DYNC2H1: variants seen among roughly 807,000 people sequenced by gnomAD.
DYNC2H1 encodes the protein dynein cytoplasmic 2 heavy chain 1.
A neutral mutation model predicts 570.0 loss-of-function variants in DYNC2H1; 410 were observed. That is an observed-to-expected ratio of 0.72 (90% CI 0.66 to 0.78). The LOEUF (loss-of-function observed/expected upper bound fraction) is 0.78, where lower values mean the gene tolerates loss of function less well. Among genes scored for constraint, DYNC2H1 ranks in the 30% least tolerant of loss-of-function variants. The probability of loss-of-function intolerance (pLI) is 0.00; values close to 1 mark genes in which losing one functional copy is unlikely to be tolerated. For missense variants in DYNC2H1, 4,865 were observed against 5,046.4 expected (o/e 0.96, Z 1.09); for synonymous variants, 1,688 against 1,677.6 (o/e 1.01, Z -0.15).
chr11:103,200,023 A>G (rs200924745), intron 49 of DYNC2H1, 23 bp from the exon 50 acceptor site: 767 of 1,527,616 alleles, frequency 5.0e-4, no homozygotes, highest in Non-Finnish European at 6.4e-4. Flanking sequence ...AAGGGCACTA[A>G]AAAATATTTT....
At chr11:103,328,345 A>G (rs191246053) in intron 82 of DYNC2H1, among the ~76,000 whole-genome samples, 1 of 152,298 alleles carries the variant, frequency 6.6e-6, no homozygotes, top group Admixed American at 6.5e-5. Context: ...TTTTCAAATT[A>G]TAAAGATGTA....
At chr11:103,442,851 A>G (rs1448371959) in intron 85 of DYNC2H1, among the ~76,000 whole-genome samples, 2 of 152,116 alleles carry the variant, frequency 1.3e-5, no homozygotes, top group Non-Finnish European at 2.9e-5. Context: ...TTGAAGAATC[A>G]GCAAGGTCCA....
chr11:103,393,840 T>G (rs1190166766), intron 83 of DYNC2H1, among the ~76,000 whole-genome samples: 1 of 152,180 alleles, frequency 6.6e-6, no homozygotes, highest in East Asian at 1.9e-4. Flanking sequence ...TCACTTCTTA[T>G]GTGGATGCGG....
At chr11:103,180,546 T>C (rs974122202) in intron 39 of DYNC2H1, among the ~76,000 whole-genome samples, 1 of 151,736 alleles carries the variant, frequency 6.6e-6, no homozygotes, top group South Asian at 2.1e-4. Flanking sequence ...CAAATACATA[T>C]TAACTTTTTT....
At chr11:103,398,734 G>A (rs1383279800) in intron 83 of DYNC2H1, among the ~76,000 whole-genome samples, 1 of 89,222 alleles carries the variant, frequency 1.1e-5, no homozygotes, top group Non-Finnish European at 2.0e-5. Context: ...TTTAATTATT[G>A]AAAGTGATTT....
chr11:103,463,720 C>T (rs1945097425), intron 87 of DYNC2H1, among the ~76,000 whole-genome samples: 1 of 152,132 alleles, frequency 6.6e-6, no homozygotes, highest in Non-Finnish European at 1.5e-5. Flanking sequence ...CACTGTATTC[C>T]AGCCTGGGCA....
chr11:103,147,667 A>G, intron 18 of DYNC2H1, 105 bp from the exon 19 acceptor site: 1 of 685,290 alleles, frequency 1.5e-6, no homozygotes, highest in Non-Finnish European at 2.4e-6. Context: ...TACTGCTGAC[A>G]TACATTTTTA....
chr11:103,274,155 C>CATAT (rs71465389), intron 70 of DYNC2H1, among the ~76,000 whole-genome samples: 1 of 150,430 alleles, frequency 6.6e-6, no homozygotes, highest in African/African-American at 2.5e-5. Context: ...TATACACACA[C>CATAT]ATATATATAT....
At chr11:103,410,098 C>CTT (rs1291613054) in intron 84 of DYNC2H1, among the ~76,000 whole-genome samples, 2 of 152,044 alleles carry the variant, frequency 1.3e-5, no homozygotes, top group Admixed American at 1.3e-4. Context: ...TTAAGCTACA[C>CTT]TTTGGTTTGT....
intron 82 of DYNC2H1, among the ~76,000 whole-genome samples, chr11:103,342,203 AG>A (rs34529540): frequency 0.22 from 32,846 of 151,902 alleles, 3,675 homozygotes; most frequent in Admixed American, 0.31. Flanking sequence ...CTGTGTAAAA[AG>A]GGTACCAATT....
At chr11:103,126,668 G>T (rs1362039938) in intron 12 of DYNC2H1, among the ~76,000 whole-genome samples, 9 of 142,408 alleles carry the variant, frequency 6.3e-5, no homozygotes, top group African/African-American at 2.4e-4. Context: ...ACGGAGTCTC[G>T]CTCTGTTGCC....
chr11:103,248,986 C>G (rs1474673500), intron 65 of DYNC2H1, among the ~76,000 whole-genome samples: 2 of 152,030 alleles, frequency 1.3e-5, no homozygotes, highest in African/African-American at 4.8e-5. Context: ...GAGACCAACT[C>G]TTGTACCTTG....
intron 82 of DYNC2H1, among the ~76,000 whole-genome samples, chr11:103,357,223 A>T (rs1315801785): frequency 6.6e-6 from 1 of 152,092 alleles, no homozygotes; most frequent in Non-Finnish European, 1.5e-5. Context: ...GGAATCATTA[A>T]GTATTATTTT....
intron 24 of DYNC2H1, among the ~76,000 whole-genome samples, 156 bp downstream of exon 24, chr11:103,154,965 A>T (rs1860746506): frequency 6.6e-6 from 1 of 152,122 alleles, no homozygotes; most frequent in African/African-American, 2.4e-5. Context: ...CATAGAAATT[A>T]TTGATATTTC....
chr11:103,453,929 A>T (rs1373692953), intron 85 of DYNC2H1, among the ~76,000 whole-genome samples: 1 of 152,010 alleles, frequency 6.6e-6, no homozygotes, highest in Non-Finnish European at 1.5e-5. Context: ...ATACTTTATG[A>T]AGCGCTATCA....
In DYNC2H1 at chr11:103,121,370, A is replaced by T. The variant is rs1858699106; in HGVS notation, c.1361-2A>T. The T allele has an allele frequency of 1.3e-6, 2 of 1,591,196 alleles. No homozygotes were observed. Among genetic ancestry groups the T allele is most frequent in the South Asian group, 2.3e-5 (2 of 86,442 alleles). On this transcript the variant is annotated splice_acceptor_variant, in intron 9 of 88. Transcript: ENST00000375735. LOFTEE classifies it high-confidence loss of function. ...ATCATTTATTTGATTTAAATTTTATAGATTTTCGATTAGACTTTGAGAATC... is the reference window on the plus strand; with the variant it reads ...ATCATTTATTTGATTTAAATTTTATTGATTTTCGATTAGACTTTGAGAATC...
At position 103,209,858 on chromosome 11, in the gene DYNC2H1, A is replaced by C; in HGVS notation, c.8455-18A>C. ...GGGACTTATACTCTTTCATAGTGATATTCTTTTTATGTTTTAGATACCTGA... is the reference window on the plus strand; with the variant it reads ...GGGACTTATACTCTTTCATAGTGATCTTCTTTTTATGTTTTAGATACCTGA... On this transcript the variant is annotated intron_variant, in intron 52 of 88. Coordinates refer to ENST00000375735, the MANE Select transcript of DYNC2H1 (RefSeq NM_001377.3). The surrounding 1 kb of genome is among the most constrained non-coding windows in gnomAD (Gnocchi z 4.2). 6.9e-7 allele frequency: 1 copy of C among 1,456,952 alleles called. No homozygotes were observed. Among genetic ancestry groups the C allele is most frequent in the African/African-American group, 1.5e-5 (1 of 68,304 alleles). The allele number at this position is 1,456,952 out of a possible 1,614,324, so 90.3% of individuals were successfully genotyped here.
At chr11:103,378,161 A>T (rs2671381) in intron 83 of DYNC2H1, among the ~76,000 whole-genome samples, 73,684 of 151,986 alleles carry the variant, frequency 0.48, 18,164 homozygotes, top group Non-Finnish European at 0.54. Context: ...TATAATTGTT[A>T]TTAATATTAA....
At chr11:103,442,713 C>T (rs569536298) in intron 85 of DYNC2H1, among the ~76,000 whole-genome samples, 5 of 152,120 alleles carry the variant, frequency 3.3e-5, no homozygotes, top group Admixed American at 1.3e-4. Context: ...AAATCTTTCC[C>T]GAATTTCTAT....
Sources: gnomAD v4.1 joint callset for allele counts (sites outside exome capture counted in the v4.1 genomes callset) on GRCh38, gnomAD v4.1.1 for gene constraint, Gnocchi (gnomAD v3.1) non-coding constraint, MANE v1.5 for transcripts, NCBI Gene and HGNC (gene_info 2026-07-23, HGNC 2026-07-21) for gene names.